Variants in DERL2 observed in about 807,000 individuals in gnomAD.
The protein encoded by DERL2 is derlin-2.
DERL2 carries 13 observed loss-of-function variants against 32.0 expected under a neutral mutation model. That is an observed-to-expected ratio of 0.41 (90% CI 0.26 to 0.65). DERL2 has a LOEUF of 0.65. Among genes scored for constraint, DERL2 ranks in the 30% least tolerant of loss-of-function variants. DERL2 has a pLI of 0.35. For synonymous variants in DERL2, 111 were observed against 104.7 expected, an observed-to-expected ratio of 1.06 and a Z score of -0.37; for missense variants, 208 against 296.3, an observed-to-expected ratio of 0.70 and a Z score of 2.19.
chr17:5,475,735 C>T (rs184043933), intron 6 of DERL2, among the ~76,000 whole-genome samples: 68 of 152,120 alleles, frequency 4.5e-4, no homozygotes, highest in African/African-American at 1.5e-3. Flanking sequence ...GGCGACAGAG[C>T]AAGACTGTCT....
chr17:5,485,245 A>AAATC (rs2151711460), intron 1 of DERL2, 29 bp from the exon 2 acceptor site: 2 of 1,390,190 alleles, frequency 1.4e-6, no homozygotes, highest in Non-Finnish European at 1.9e-6. Context: ...TTCTTAAAGC[A>AAATC]AATCAAGAAA....
chr17:5,486,179 G>GCCCCCCCCCCCCCCCCCCCCCCCC, upstream of DERL2: 3 of 1,540,444 alleles, frequency 1.9e-6, no homozygotes, highest in Non-Finnish European at 1.8e-6. Context: ...ACCGTCGCCT[G>GCCCCCCCCCCCCCCCCCCCCCCCC]CCCCACCCCC....
chr17:5,485,705 T>C (rs1051759619), intron 1 of DERL2, among the ~76,000 whole-genome samples: 2 of 152,178 alleles, frequency 1.3e-5, no homozygotes, highest in Non-Finnish European at 2.9e-5. Flanking sequence ...TCCAGCTTGC[T>C]TTCCCCATTC....
At chr17:5,478,375 C>T (rs1455641154) in intron 6 of DERL2, among the ~76,000 whole-genome samples, 1 of 152,094 alleles carries the variant, frequency 6.6e-6, no homozygotes, top group Non-Finnish European at 1.5e-5. Flanking sequence ...ACCTGTACTG[C>T]ATATGTAATT....
At position 5,471,604 on chromosome 17, in the gene DERL2, A is replaced by C. The variant is rs889292877; in HGVS notation, c.*3080T>G. On this transcript the variant is annotated 3_prime_UTR_variant, in exon 7 of 7. Coordinates refer to ENST00000158771, the MANE Select transcript of DERL2 (RefSeq NM_016041.5). ...GTTAGGTAGAAGTGGGAGTAAAGTT[A>C]AGAAAAAAACAAGTATGCATATAAT... 1 of 152,220 alleles carries C rather than the reference A, an allele frequency of 6.6e-6. No homozygotes were observed. Among genetic ancestry groups the C allele is most frequent in the Non-Finnish European group, 1.5e-5 (1 of 68,056 alleles). The allele number at this position is 152,220 out of a possible 1,614,324, so 9.4% of individuals were successfully genotyped here. A position where few individuals can be genotyped will look rare whatever the true frequency, so the allele number is the denominator to read the frequency against.
intron 6 of DERL2, among the ~76,000 whole-genome samples, chr17:5,479,782 A>G (rs1051900779): frequency 1.3e-5 from 2 of 152,184 alleles, no homozygotes; most frequent in African/African-American, 4.8e-5. Flanking sequence ...GCAGGCTCCT[A>G]CCAGAATAGA....
intron 6 of DERL2, among the ~76,000 whole-genome samples, chr17:5,479,475 G>GT (rs1417187084): frequency 3.2e-5 from 4 of 126,026 alleles, no homozygotes; most frequent in African/African-American, 1.2e-4. Context: ...TCCAGCCTAG[G>GT]TAACAGAGTG....
In DERL2 at chr17:5,471,950, A is replaced by T. The variant is rs1308336686; in HGVS notation, c.*2734T>A. On this transcript the variant is annotated 3_prime_UTR_variant, in exon 7 of 7. Coordinates refer to ENST00000158771, the MANE Select transcript of DERL2 (RefSeq NM_016041.5). Reference sequence around the variant, plus strand: ...ACTGAGGGTTTCATTATCCAGACCCAGGACTTAGGTGTTCTGCTTCTAGAG... The same window carrying T: ...ACTGAGGGTTTCATTATCCAGACCCTGGACTTAGGTGTTCTGCTTCTAGAG... 6.6e-6 allele frequency: 1 copy of T among 152,114 alleles called. No homozygotes were observed. Among genetic ancestry groups the T allele is most frequent in the East Asian group, 1.9e-4 (1 of 5,180 alleles). The allele number at this position is 152,114 out of a possible 1,614,324, so 9.4% of individuals were successfully genotyped here. A position where few individuals can be genotyped will look rare whatever the true frequency, so the allele number is the denominator to read the frequency against.
rs1329952615 is a variant in DERL2, at chr17:5,472,658, G to C, written c.*2026C>G. 6.6e-6 allele frequency: 1 copy of C among 152,104 alleles called. No individual in the cohort carries two copies. Among genetic ancestry groups the C allele is most frequent in the Non-Finnish European group, 1.5e-5 (1 of 68,022 alleles). 9.4% of individuals were successfully genotyped at this position (152,104 alleles called of 1,614,324 possible). Reference sequence around the variant, plus strand: ...CAGATATTCCCTACTTAAATGAACAGTGAGTTAACAGATTTTAGGATTAGT... The same window carrying C: ...CAGATATTCCCTACTTAAATGAACACTGAGTTAACAGATTTTAGGATTAGT... On this transcript the variant is annotated 3_prime_UTR_variant, in exon 7 of 7. Coordinates refer to ENST00000158771, the MANE Select transcript of DERL2 (RefSeq NM_016041.5).
At position 5,473,250 on chromosome 17, in the gene DERL2, T is replaced by C. The variant is rs1905202386; in HGVS notation, c.*1434A>G. The C allele has an allele frequency of 6.6e-6, 1 of 152,218 alleles. No homozygotes were observed. The highest frequency in any genetic ancestry group is 1.5e-5 in the Non-Finnish European group (1 of 68,038). The allele number at this position is 152,218 out of a possible 1,614,324, so 9.4% of individuals were successfully genotyped here. A position where few individuals can be genotyped will look rare whatever the true frequency, so the allele number is the denominator to read the frequency against. On this transcript the variant is annotated 3_prime_UTR_variant, in exon 7 of 7. Coordinates refer to ENST00000158771, the MANE Select transcript of DERL2 (RefSeq NM_016041.5). ...AATGAAAGCTGTTTGGAATCATCTC[T>C]TTCCTAGGGGTGCTCTTTCGACTCT...
chr17:5,479,496 TAAAAAA>T (rs11306765), intron 6 of DERL2, among the ~76,000 whole-genome samples: 24 of 69,416 alleles, frequency 3.5e-4, no homozygotes, highest in African/African-American at 8.2e-4. Context: ...AGACTCCATG[TAAAAAA>T]AAAAAAAAAA....
chr17:5,478,017 C>T (rs1905500281), intron 6 of DERL2: 1 of 152,038 alleles, frequency 6.6e-6, no homozygotes, highest in Non-Finnish European at 1.5e-5. Flanking sequence ...AAGGAGAGCA[C>T]AGGATGAGCC....
intron 2 of DERL2, among the ~76,000 whole-genome samples, chr17:5,483,664 G>C (rs184578562): frequency 6.6e-6 from 1 of 152,274 alleles, no homozygotes; most frequent in Non-Finnish European, 1.5e-5. Flanking sequence ...CTGACTAGCT[G>C]AATACTAGTT....
chr17:5,485,351 G>A (rs1010900758), intron 1 of DERL2, 135 bp from the exon 2 acceptor site: 12 of 563,740 alleles, frequency 2.1e-5, no homozygotes, highest in African/African-American at 2.0e-4. Context: ...TTCTTCTTAG[G>A]CCAGAGGAAG....
chr17:5,475,867 G>A (rs1905349778), intron 6 of DERL2, among the ~76,000 whole-genome samples: 1 of 152,172 alleles, frequency 6.6e-6, no homozygotes, highest in South Asian at 2.1e-4. Flanking sequence ...ATTCCACTTA[G>A]GTACAGAGTA....
intron 1 of DERL2, chr17:5,485,778 A>C (rs896782649): frequency 5.6e-6 from 2 of 354,408 alleles, no homozygotes; most frequent in African/African-American, 4.2e-5. Flanking sequence ...GGCCATTGGC[A>C]GAGCTCTCGG....
intron 2 of DERL2, among the ~76,000 whole-genome samples, chr17:5,483,868 G>A (rs892926467): frequency 3.3e-5 from 5 of 152,168 alleles, no homozygotes; most frequent in Admixed American, 6.5e-5. Context: ...AGTATTGTGC[G>A]AACACAGTGA....
chr17:5,482,968 T>C, intron 2 of DERL2, 86 bp from the exon 3 acceptor site: 1 of 717,956 alleles, frequency 1.4e-6, no homozygotes, highest in South Asian at 1.8e-5. Context: ...AGAAACATCC[T>C]ATGACTGCGG....
At chr17:5,483,720 CAGG>C (rs1211225461) in intron 2 of DERL2, among the ~76,000 whole-genome samples, 4 of 152,134 alleles carry the variant, frequency 2.6e-5, no homozygotes, top group Admixed American at 6.6e-5. Flanking sequence ...CAAGGACCCG[CAGG>C]AGTAGATGGA....
Sources: gnomAD v4.1 joint callset for allele counts (sites outside exome capture counted in the v4.1 genomes callset) on GRCh38, gnomAD v4.1.1 for gene constraint, MANE v1.5 for transcripts, NCBI Gene and HGNC (gene_info 2026-07-23, HGNC 2026-07-21) for gene names.